The following RALGAPA2 variants were observed in gnomAD, a reference collection of about 807,000 sequenced individuals.
The protein encoded by RALGAPA2 is Ral GTPase activating protein catalytic subunit alpha 2, also known as ral GTPase-activating protein subunit alpha-2.
In RALGAPA2, 139 loss-of-function variants were observed where a neutral mutation model predicts 230.4. The observed-to-expected ratio is 0.60, with a 90% CI of 0.53 to 0.69. RALGAPA2 has a LOEUF of 0.69. RALGAPA2 is among the 30% of genes least tolerant of loss of function. The pLI, the probability that RALGAPA2 is intolerant of heterozygous loss-of-function variation, is 0.00. For missense variants in RALGAPA2, 2,163 were observed against 2,276.0 expected (o/e 0.95, Z 1.01); for synonymous variants, 847 against 837.8 (o/e 1.01, Z -0.19).
intron 37 of RALGAPA2, among the ~76,000 whole-genome samples, chr20:20,465,131 C>T (rs1041164669): frequency 2.9e-5 from 4 of 138,362 alleles, no homozygotes; most frequent in African/African-American, 8.3e-5. Context: ...CCAGCTTCTT[C>T]CCTCCCCCCG....
At chr20:20,624,291 C>A (rs1261554992) in intron 10 of RALGAPA2, among the ~76,000 whole-genome samples, 2 of 143,052 alleles carry the variant, frequency 1.4e-5, no homozygotes, top group Non-Finnish European at 3.0e-5. Flanking sequence ...CGCACCACTG[C>A]ACTCCAGCCT....
In RALGAPA2 at chr20:20,512,576, C is replaced by T. The variant is rs371187612; in HGVS notation, c.4793G>A (p.Arg1598Gln). Residue 1598 changes from arginine to glutamine, a missense_variant, in exon 32 of 40, where the codon CGA (arginine) becomes CAA (glutamine). Transcript: ENST00000202677. ...SQGQPSPVEPRGPFYFCRLLL... is the reference protein window; with the variant it reads ...SQGQPSPVEPQGPFYFCRLLL... ...TAACCTGCAGAAATAAAAGGGTCCT[C>T]GGGGCTCCACTGGGGAGGGCTGCCC... 103 of 1,613,600 alleles carry T rather than the reference C, an allele frequency of 6.4e-5. No individual in the cohort carries two copies. The highest frequency in any genetic ancestry group is 5.9e-4 in the African/African-American group (44 of 75,022).
At chr20:20,680,225 T>A (rs1421309634) in intron 2 of RALGAPA2, among the ~76,000 whole-genome samples, 1 of 152,250 alleles carries the variant, frequency 6.6e-6, no homozygotes, top group Non-Finnish European at 1.5e-5. Context: ...TAATGTGACC[T>A]TGTTGGTTTG....
rs2065657401 is a variant in RALGAPA2 at position 20,601,683 on chromosome 20, A to C, written c.2202T>G (p.Thr734=). ...KARNIVRQKA[T]EVEECQQSEN... ...AGAAGCATTTAAATAAATGTTTACCAGTTGCTTTTTGGCGAACAATATTTC... is the reference window on the plus strand; with the variant it reads ...AGAAGCATTTAAATAAATGTTTACCCGTTGCTTTTTGGCGAACAATATTTC... Residue 734 remains threonine, a splice_region_variant and synonymous_variant, in exon 16 of 40, where the codon ACT becomes ACG. Coordinates refer to ENST00000202677, the MANE Select transcript of RALGAPA2 (RefSeq NM_020343.4). 1 of 1,609,984 alleles carries C rather than the reference A, an allele frequency of 6.2e-7. No homozygotes were observed. Among genetic ancestry groups the C allele is most frequent in the Non-Finnish European group, 8.5e-7 (1 of 1,178,704 alleles).
chr20:20,650,400 G>A (rs2067357519), intron 4 of RALGAPA2, among the ~76,000 whole-genome samples: 1 of 152,162 alleles, frequency 6.6e-6, no homozygotes, highest in East Asian at 1.9e-4. Context: ...GAGACTCATA[G>A]AATACAGCAG....
intron 37 of RALGAPA2, among the ~76,000 whole-genome samples, chr20:20,441,039 TG>T (rs1387780772): frequency 6.6e-6 from 1 of 152,252 alleles, no homozygotes; most frequent in African/African-American, 2.4e-5. Context: ...TATCAGTTAG[TG>T]GCCAAATGCT....
intron 37 of RALGAPA2, among the ~76,000 whole-genome samples, chr20:20,448,722 A>G (rs1169002608): frequency 6.6e-6 from 1 of 152,200 alleles, no homozygotes; most frequent in African/African-American, 2.4e-5. Flanking sequence ...AAAAACCTCA[A>G]AGTAACAAAT....
intron 15 of RALGAPA2, among the ~76,000 whole-genome samples, chr20:20,603,564 C>CT (rs2065727362): frequency 6.6e-6 from 1 of 152,224 alleles, no homozygotes; most frequent in African/African-American, 2.4e-5. Flanking sequence ...CCCTGAAACT[C>CT]TAAGCCACTT....
intron 36 of RALGAPA2, among the ~76,000 whole-genome samples, chr20:20,491,117 C>T (rs780115921): frequency 4.6e-5 from 7 of 152,066 alleles, no homozygotes; most frequent in Non-Finnish European, 7.4e-5. Flanking sequence ...TTCAAAGAAA[C>T]GGAAAGATCT....
Position 20,712,609 on chromosome 20 carries a change from C to A in RALGAPA2, c.-129G>T. The A allele has an allele frequency of 8.7e-7, 1 of 1,143,210 alleles. No homozygotes were observed. Among genetic ancestry groups the A allele is most frequent in the South Asian group, 3.9e-5 (1 of 25,870 alleles). 70.8% of individuals were successfully genotyped at this position (1,143,210 alleles called of 1,614,324 possible). On this transcript the variant is annotated 5_prime_UTR_variant, in exon 1 of 40. Coordinates refer to ENST00000202677, the MANE Select transcript of RALGAPA2 (RefSeq NM_020343.4). The surrounding 1 kb of genome is among the most constrained non-coding windows in gnomAD (Gnocchi z 5.5). ...CCGCCCCCAGCCCCGCTGCTGCCGC[C>A]GCCGCCGCCGCCGCCGCCGCCTCAG...
intron 39 of RALGAPA2, 147 bp downstream of exon 39, chr20:20,396,548 T>G (rs1486207045): frequency 1.0e-5 from 7 of 670,250 alleles, no homozygotes; most frequent in Admixed American, 3.4e-5. Flanking sequence ...GGGGCAGGAG[T>G]GTGGGCAGGG....
At chr20:20,455,283 C>T (rs142150612) in intron 37 of RALGAPA2, among the ~76,000 whole-genome samples, 1 of 152,330 alleles carries the variant, frequency 6.6e-6, no homozygotes, top group African/African-American at 2.4e-5. Flanking sequence ...GGAAGGTGAG[C>T]GCTAGAGACA....
intron 37 of RALGAPA2, among the ~76,000 whole-genome samples, chr20:20,470,777 T>G (rs948997122): frequency 6.6e-5 from 10 of 152,252 alleles, no homozygotes; most frequent in African/African-American, 2.4e-4. Flanking sequence ...AACATTACTG[T>G]TTTCCATTTT....
At chr20:20,704,469 C>T (rs1196187483) in intron 1 of RALGAPA2, among the ~76,000 whole-genome samples, 18 of 152,198 alleles carry the variant, frequency 1.2e-4, no homozygotes, top group Admixed American at 1.2e-3. Context: ...GTTACCAGTT[C>T]CTGCAACTGA....
At chr20:20,595,956 AAAAAAACAAAC>A (rs1190646124) in intron 16 of RALGAPA2, among the ~76,000 whole-genome samples, 8 of 152,150 alleles carry the variant, frequency 5.3e-5, no homozygotes, top group Non-Finnish European at 8.8e-5. Flanking sequence ...TCTATCTCAA[AAAAAAACAAAC>A]AAAAAACAAA....
intron 36 of RALGAPA2, among the ~76,000 whole-genome samples, chr20:20,494,431 G>A (rs1046491256): frequency 8.5e-5 from 13 of 152,158 alleles, no homozygotes; most frequent in African/African-American, 3.1e-4. Context: ...AAAACAAGTC[G>A]CTACATAAAG....
At chr20:20,454,932 C>T (rs2061075509) in intron 37 of RALGAPA2, among the ~76,000 whole-genome samples, 1 of 152,192 alleles carries the variant, frequency 6.6e-6, no homozygotes, top group Non-Finnish European at 1.5e-5. Context: ...TGTAGTGACG[C>T]AGTGATGGTC....
At chr20:20,524,920 A>C (rs2063155504) in intron 28 of RALGAPA2, 22 bp from the exon 29 acceptor site, 1 of 1,584,952 alleles carries the variant, frequency 6.3e-7, no homozygotes, top group South Asian at 1.2e-5. Context: ...ATAAATCCCC[A>C]ATCAAACAGA....
chr20:20,494,470 C>T (rs1456689927), intron 36 of RALGAPA2, among the ~76,000 whole-genome samples: 2 of 152,226 alleles, frequency 1.3e-5, no homozygotes, highest in Non-Finnish European at 2.9e-5. Flanking sequence ...AAAGGTATGA[C>T]AAGGATCGAA....
Sources: allele counts gnomAD v4.1 joint callset (sites outside exome capture counted in the v4.1 genomes callset), GRCh38; gene constraint gnomAD v4.1.1; non-coding constraint Gnocchi (gnomAD v3.1); transcripts MANE v1.5; gene names NCBI Gene and HGNC (gene_info 2026-07-23, HGNC 2026-07-21).